The following MORC1 variants were observed in gnomAD, a reference collection of about 807,000 sequenced individuals.
The protein encoded by MORC1 is MORC family CW-type zinc finger protein 1.
A neutral mutation model predicts 134.9 loss-of-function variants in MORC1; 59 were observed. The observed-to-expected ratio is 0.44, with a 90% confidence interval of 0.35 to 0.54. The LOEUF (loss-of-function observed/expected upper bound fraction) is 0.54. Among genes scored for constraint, MORC1 ranks in the 20% least tolerant of loss-of-function variants. MORC1 has a pLI of 0.00. For synonymous variants in MORC1, 395 were observed against 391.7 expected (o/e 1.01, Z -0.10); for missense variants, 947 against 1,134.5 (o/e 0.83, Z 2.37).
chr3:108,967,176 C>T (rs1339446905), intron 26 of MORC1, among the ~76,000 whole-genome samples: 1 of 152,184 alleles, frequency 6.6e-6, no homozygotes, highest in Non-Finnish European at 1.5e-5. Flanking sequence ...TAAGGGGATA[C>T]TGCTCATCAT....
intron 15 of MORC1, among the ~76,000 whole-genome samples, chr3:109,034,574 T>C (rs538491844): frequency 6.6e-6 from 1 of 152,188 alleles, no homozygotes; most frequent in Non-Finnish European, 1.5e-5. Context: ...CATTGTTCAG[T>C]GATTCAGTTG....
rs1300189197 is a variant in MORC1, at chr3:109,007,045, A to G, written c.1751T>C (p.Leu584Pro). The G allele has an allele frequency of 1.2e-6, 2 of 1,612,314 alleles. No homozygotes were observed. The highest frequency in any genetic ancestry group is 8.5e-7 in the Non-Finnish European group (1 of 1,179,108). ...VDEITVTSTC[L>P]TSAHKENTKT... is the part of the protein sequence containing the mutation. Reference sequence around the variant, plus strand: ...ATTACTCACCTTATGTGCTGAAGTTAGGCAGGTGGAAGTGACAGTGATTTC... The same window carrying G: ...ATTACTCACCTTATGTGCTGAAGTTGGGCAGGTGGAAGTGACAGTGATTTC... Residue 584 changes from leucine (L) to proline (P), a missense_variant, in exon 18 of 28, where the codon CTA becomes CCA. Leu to Pro is a moderately conservative substitution (Grantham distance 98, BLOSUM62 -3). Transcript: ENST00000232603.
chr3:109,073,599 G>C (rs780579226), intron 8 of MORC1, among the ~76,000 whole-genome samples: 1 of 152,104 alleles, frequency 6.6e-6, no homozygotes, highest in Non-Finnish European at 1.5e-5. Flanking sequence ...CAACAACTGG[G>C]CTACTTTTCC....
At chr3:108,983,657 G>T (rs1293103309) in intron 23 of MORC1, among the ~76,000 whole-genome samples, 1 of 152,162 alleles carries the variant, frequency 6.6e-6, no homozygotes, top group Non-Finnish European at 1.5e-5. Flanking sequence ...TCAGATCACA[G>T]AATTTAACAA....
At chr3:109,050,199 G>C (rs1290006226) in intron 14 of MORC1, among the ~76,000 whole-genome samples, 1 of 152,148 alleles carries the variant, frequency 6.6e-6, no homozygotes, top group Non-Finnish European at 1.5e-5. Context: ...TTCTCTGTTG[G>C]GCACTAATCC....
At chr3:109,030,434 G>C (rs1949214920) in intron 16 of MORC1, among the ~76,000 whole-genome samples, 1 of 152,156 alleles carries the variant, frequency 6.6e-6, no homozygotes, top group Non-Finnish European at 1.5e-5. Context: ...CTACATCACT[G>C]TTAAGGAGCT....
At chr3:109,097,925 A>T (rs1473642410) in intron 6 of MORC1, among the ~76,000 whole-genome samples, 5 of 152,238 alleles carry the variant, frequency 3.3e-5, no homozygotes, top group Non-Finnish European at 5.9e-5. Flanking sequence ...GACTACGATT[A>T]TATGATAGAA....
chr3:109,086,503 C>G (rs1033702424), intron 8 of MORC1, among the ~76,000 whole-genome samples: 12 of 151,966 alleles, frequency 7.9e-5, no homozygotes, highest in African/African-American at 2.9e-4. Flanking sequence ...GGATTGTGTT[C>G]ATGCCCTGGT....
intron 26 of MORC1, among the ~76,000 whole-genome samples, chr3:108,964,898 A>G (rs1404146834): frequency 6.6e-6 from 1 of 152,218 alleles, no homozygotes; most frequent in Non-Finnish European, 1.5e-5. Context: ...AATCCACGCC[A>G]CATTTCAAGA....
chr3:109,090,222 G>T (rs1022333454), intron 8 of MORC1, among the ~76,000 whole-genome samples: 1 of 151,938 alleles, frequency 6.6e-6, no homozygotes, highest in Non-Finnish European at 1.5e-5. Flanking sequence ...TTCTCTTGAC[G>T]TGATTGTCAT....
intron 26 of MORC1, among the ~76,000 whole-genome samples, chr3:108,966,638 G>T (rs1205742308): frequency 1.3e-5 from 2 of 152,120 alleles, no homozygotes; most frequent in Non-Finnish European, 2.9e-5. Flanking sequence ...AAGTTTTAAG[G>T]TTCTCCCAGA....
chr3:108,980,864 A>G (rs1258510164), intron 23 of MORC1, among the ~76,000 whole-genome samples: 1 of 152,190 alleles, frequency 6.6e-6, no homozygotes, highest in East Asian at 1.9e-4. Context: ...CAGGAAGCAG[A>G]TGGAAAGAGA....
intron 19 of MORC1, 69 bp downstream of exon 19, chr3:109,005,001 C>T: frequency 6.4e-7 from 1 of 1,574,426 alleles, no homozygotes. Flanking sequence ...GAAAATGAAG[C>T]AAAACCTTGA....
chr3:109,033,742 T>A (rs575847784), intron 15 of MORC1, among the ~76,000 whole-genome samples: 1 of 152,298 alleles, frequency 6.6e-6, no homozygotes, highest in East Asian at 1.9e-4. Context: ...GAGAATGAAA[T>A]GACATCCTCC....
At position 109,118,083 on chromosome 3, in the gene MORC1, C is replaced by T. The variant is rs1200941066; in HGVS notation, c.-24G>A. 6.3e-7 allele frequency: 1 copy of T among 1,598,872 alleles called. No homozygotes were observed. The highest frequency in any genetic ancestry group is 8.5e-7 in the Non-Finnish European group (1 of 1,172,394). Reference sequence around the variant, plus strand: ...ATGCCCTCGAACACGACCCGCGCAACTCAAGGGGACAAGGACACCTGACCG... The same window carrying T: ...ATGCCCTCGAACACGACCCGCGCAATTCAAGGGGACAAGGACACCTGACCG... On this transcript the variant is annotated 5_prime_UTR_variant, in exon 1 of 28. Coordinates refer to ENST00000232603, the MANE Select transcript of MORC1 (RefSeq NM_014429.4).
chr3:109,025,379 CTTTTTTTTTTT>C (rs63701060), intron 17 of MORC1, among the ~76,000 whole-genome samples: 21 of 105,100 alleles, frequency 2.0e-4, no homozygotes, highest in East Asian at 3.0e-4. Context: ...TTTCTTTTTT[CTTTTTTTTTTT>C]TTTTTTTTTT....
At chr3:109,076,833 C>T (rs1036308972) in intron 8 of MORC1, among the ~76,000 whole-genome samples, 3 of 151,856 alleles carry the variant, frequency 2.0e-5, no homozygotes, top group South Asian at 2.1e-4. Context: ...GGCGGGGGAT[C>T]GGGGACTAGG....
intron 24 of MORC1, among the ~76,000 whole-genome samples, chr3:108,979,094 C>T (rs1395893187): frequency 6.6e-6 from 1 of 152,082 alleles, no homozygotes; most frequent in Non-Finnish European, 1.5e-5. Flanking sequence ...ACCATGTCCA[C>T]AAATGTTAAC....
Position 109,038,113 on chromosome 3 carries a change from T to G in MORC1, c.1331-2645A>C, listed in dbSNP as rs141044901. Among the ~76,000 whole-genome samples, 780 of 152,340 alleles carry G rather than the reference T, an allele frequency of 5.1e-3. 17 individuals carry two copies. Among genetic ancestry groups the G allele is most frequent in the African/African-American group, 0.018 (750 of 41,572 alleles). ...ATCCTCTCCAGTGTGTGTTGTTTCA[T>G]GACTTTTTAATGATCACCATTTTAA... On this transcript the variant is annotated intron_variant, in intron 14 of 27. Coordinates refer to ENST00000232603, the MANE Select transcript of MORC1 (RefSeq NM_014429.4).
Sources: allele counts gnomAD v4.1 joint callset (sites outside exome capture counted in the v4.1 genomes callset), GRCh38; gene constraint gnomAD v4.1.1; transcripts MANE v1.5; gene names NCBI Gene and HGNC (gene_info 2026-07-23, HGNC 2026-07-21).